Variants in EXOC6B observed in about 807,000 individuals in gnomAD.
EXOC6B encodes exocyst complex component 6B.
EXOC6B carries 54 observed loss-of-function variants against 113.5 expected under a neutral mutation model. That is an observed-to-expected ratio of 0.48 (90% CI 0.38 to 0.60). The LOEUF is 0.60. EXOC6B is among the 20% of genes least tolerant of loss of function. The probability of loss-of-function intolerance (pLI) is 0.00; values close to 1 mark genes in which losing one functional copy is unlikely to be tolerated. For synonymous variants in EXOC6B, 357 were observed against 339.0 expected, an observed-to-expected ratio of 1.05 and a Z score of -0.58; for missense variants, 797 against 977.5, an observed-to-expected ratio of 0.82 and a Z score of 2.46.
At chr2:72,358,384 T>A (rs1248152541) in intron 19 of EXOC6B, among the ~76,000 whole-genome samples, 2 of 152,140 alleles carry the variant, frequency 1.3e-5, no homozygotes, top group Non-Finnish European at 2.9e-5. Flanking sequence ...GTTTAATGAA[T>A]GCCCAAGACC....
At chr2:72,208,186 G>A (rs942521661) in intron 20 of EXOC6B, among the ~76,000 whole-genome samples, 3 of 152,024 alleles carry the variant, frequency 2.0e-5, no homozygotes, top group African/African-American at 7.3e-5. Flanking sequence ...CCATCACCCA[G>A]GTAGTGAGCA....
chr2:72,213,450 G>T (rs1264560361), intron 20 of EXOC6B, among the ~76,000 whole-genome samples: 2 of 152,208 alleles, frequency 1.3e-5, no homozygotes, highest in Non-Finnish European at 2.9e-5. Flanking sequence ...ACAGCCATCT[G>T]TTTTGTAAAC....
At chr2:72,287,443 AT>A (rs1296879057) in intron 20 of EXOC6B, among the ~76,000 whole-genome samples, 229 of 146,306 alleles carry the variant, frequency 1.6e-3, no homozygotes, top group African/African-American at 5.3e-3. Flanking sequence ...AAAAAAAAAA[AT>A]AAAAATAAAA....
Position 72,408,485 on chromosome 2 carries a change from C to T in EXOC6B, c.1981-28615G>A, listed in dbSNP as rs184812380. On this transcript the variant is annotated intron_variant, in intron 18 of 21. Transcript: ENST00000272427. ...AAACCATACTACAAGGCTACAGTAA[C>T]CAAAACAGCATGGTACTGGTACCAA... Among the ~76,000 whole-genome samples the T allele has an allele frequency of 9.7e-3, 1,471 of 152,262 alleles. 26 individuals carry two copies. Among genetic ancestry groups the T allele is most frequent in the African/African-American group, 0.032 (1,344 of 41,548 alleles).
chr2:72,196,935 A>T (rs1679211713), intron 20 of EXOC6B, among the ~76,000 whole-genome samples: 1 of 152,180 alleles, frequency 6.6e-6, no homozygotes, highest in Admixed American at 6.5e-5. Flanking sequence ...CCAGGCATTG[A>T]GTACCATATG....
intron 19 of EXOC6B, among the ~76,000 whole-genome samples, chr2:72,368,586 C>T (rs1257960563): frequency 3.5e-4 from 53 of 152,146 alleles, no homozygotes; most frequent in Non-Finnish European, 4.4e-5. Flanking sequence ...GACCAATATC[C>T]CTGATGAACA....
chr2:72,300,241 A>G (rs1044045697), intron 20 of EXOC6B, among the ~76,000 whole-genome samples: 2 of 152,072 alleles, frequency 1.3e-5, no homozygotes, highest in African/African-American at 4.8e-5. Flanking sequence ...GAATCTAGAG[A>G]GGCAGTCTGG....
intron 1 of EXOC6B, among the ~76,000 whole-genome samples, chr2:72,755,820 A>G (rs1682377274): frequency 6.6e-6 from 1 of 152,166 alleles, no homozygotes; most frequent in African/African-American, 2.4e-5. Context: ...CTTGTTGCCA[A>G]CAGAAGGGGG....
intron 20 of EXOC6B, among the ~76,000 whole-genome samples, chr2:72,310,884 C>CACACAT (rs147993032): frequency 0.18 from 27,006 of 149,352 alleles, 3,221 homozygotes; most frequent in African/African-American, 0.32. Context: ...CACACACACA[C>CACACAT]ACACAGAGCT....
intron 20 of EXOC6B, among the ~76,000 whole-genome samples, chr2:72,287,442 A>T (rs1386666119): frequency 2.0e-5 from 3 of 149,776 alleles, no homozygotes; most frequent in African/African-American, 7.3e-5. Context: ...AAAAAAAAAA[A>T]ATAAAAATAA....
chr2:72,718,069 C>A (rs770849732), intron 6 of EXOC6B, 34 bp downstream of exon 6: 2 of 1,532,604 alleles, frequency 1.3e-6, no homozygotes, highest in South Asian at 1.3e-5. Flanking sequence ...ACTGATAAAG[C>A]CACTGGCCAA....
intron 19 of EXOC6B, among the ~76,000 whole-genome samples, chr2:72,359,275 G>A (rs1424139109): frequency 6.6e-6 from 1 of 152,160 alleles, no homozygotes; most frequent in African/African-American, 2.4e-5. Context: ...TAGGGCATAA[G>A]GGCTCAGCCA....
intron 20 of EXOC6B, among the ~76,000 whole-genome samples, chr2:72,235,675 C>T (rs1352334502): frequency 6.6e-6 from 1 of 152,054 alleles, no homozygotes; most frequent in Non-Finnish European, 1.5e-5. Context: ...TTTATAACTT[C>T]CTTTATTCTA....
In EXOC6B at chr2:72,292,891, T is replaced by G. The variant is rs567778235; in HGVS notation, c.2196+42056A>C. 3.1e-4 allele frequency among the ~76,000 whole-genome samples: 47 copies of G among 152,280 alleles called. 1 individual carries two copies. The South Asian group carries it at 8.3e-3, about 27-fold the overall frequency. On this transcript the variant is annotated intron_variant, in intron 20 of 21. Transcript: ENST00000272427. Reference sequence around the variant, plus strand: ...TAATATTTTTTATTGCTGAGTAGTATTCTATTGTACAGATGGGCCACAGTT... The same window carrying G: ...TAATATTTTTTATTGCTGAGTAGTAGTCTATTGTACAGATGGGCCACAGTT...
At chr2:72,535,052 A>G (rs1188756517) in intron 8 of EXOC6B, among the ~76,000 whole-genome samples, 2 of 152,212 alleles carry the variant, frequency 1.3e-5, no homozygotes, top group African/African-American at 4.8e-5. Flanking sequence ...CCCATTAACT[A>G]GAGATAAAAA....
chr2:72,217,555 GGGGA>G (rs1393124768), intron 20 of EXOC6B, among the ~76,000 whole-genome samples: 1 of 152,170 alleles, frequency 6.6e-6, no homozygotes, highest in African/African-American at 2.4e-5. Context: ...CTCCCCCATT[GGGGA>G]GTTTCTGGTC....
At chr2:72,271,735 C>T (rs1049179435) in intron 20 of EXOC6B, among the ~76,000 whole-genome samples, 2 of 152,074 alleles carry the variant, frequency 1.3e-5, no homozygotes, top group Admixed American at 1.3e-4. Context: ...TACCACAACA[C>T]ATTATACATA....
intron 1 of EXOC6B, among the ~76,000 whole-genome samples, chr2:72,817,853 G>T (rs1183092794): frequency 6.6e-6 from 1 of 152,040 alleles, no homozygotes; most frequent in African/African-American, 2.4e-5. Flanking sequence ...TTACCATATT[G>T]CATGCCATAA....
chr2:72,765,179 C>T (rs970982611), intron 1 of EXOC6B, among the ~76,000 whole-genome samples: 3 of 152,064 alleles, frequency 2.0e-5, no homozygotes, highest in African/African-American at 7.2e-5. Context: ...GCCTGTAGTC[C>T]CAGCTACTTG....
Sources: allele counts gnomAD v4.1 joint callset (sites outside exome capture counted in the v4.1 genomes callset), GRCh38; gene constraint gnomAD v4.1.1; transcripts MANE v1.5; gene names NCBI Gene and HGNC (gene_info 2026-07-23, HGNC 2026-07-21).